CCDC15: variants seen among roughly 807,000 people sequenced by gnomAD.
The protein encoded by CCDC15 is coiled-coil domain containing 15.
In CCDC15, 105 loss-of-function variants were observed where a neutral mutation model predicts 114.5. The ratio of observed to expected loss-of-function variants is 0.92; its 90% CI spans 0.78 to 1.08. CCDC15 has a LOEUF of 1.08. Among genes scored for constraint, CCDC15 ranks in the 50% least tolerant of loss-of-function variants. CCDC15 has a pLI of 0.00. For synonymous variants in CCDC15, 334 were observed against 377.8 expected (o/e 0.88, Z 1.34); for missense variants, 1,105 against 1,093.6 (o/e 1.01, Z -0.15).
At chr11:124,992,911 G>A (rs1432181685) in intron 10 of CCDC15, among the ~76,000 whole-genome samples, 4 of 152,162 alleles carry the variant, frequency 2.6e-5, no homozygotes. Flanking sequence ...CATTGGAGAA[G>A]AGATAGATAA....
At chr11:125,010,380 GTTT>G (rs545300682) in intron 13 of CCDC15, among the ~76,000 whole-genome samples, 1 of 134,716 alleles carries the variant, frequency 7.4e-6, no homozygotes. Context: ...TTTGCCTGGT[GTTT>G]TTTTTTTTTT....
intron 4 of CCDC15, among the ~76,000 whole-genome samples, chr11:124,972,296 G>A (rs1947898560): frequency 6.6e-6 from 1 of 152,068 alleles, no homozygotes; most frequent in South Asian, 2.1e-4. Flanking sequence ...CAAATTTTAT[G>A]TTTTGAGTAT....
chr11:124,977,922 G>C (rs1948003048), intron 6 of CCDC15, among the ~76,000 whole-genome samples: 1 of 149,424 alleles, frequency 6.7e-6, no homozygotes, highest in African/African-American at 2.5e-5. Context: ...TGGGTAAATT[G>C]CATGTTACAG....
At position 125,009,961 on chromosome 11, in the gene CCDC15, A is replaced by G. The variant is rs575682692; in HGVS notation, c.2411+4749A>G. ...GCTGTTTTGAATAGTGGTGCGATGA[A>G]CATATGAATGCGTGTGCCTTTTTGG... On this transcript the variant is annotated intron_variant, in intron 13 of 15. Transcript: ENST00000344762. Among the ~76,000 whole-genome samples the G allele has an allele frequency of 9.9e-5, 15 of 152,180 alleles. 1 individual carries two copies. Among genetic ancestry groups the G allele is most frequent in the Non-Finnish European group, 1.6e-4 (11 of 68,038 alleles).
intron 1 of CCDC15, 112 bp downstream of exon 1, chr11:124,954,482 C>T: frequency 3.0e-6 from 1 of 335,168 alleles, no homozygotes; most frequent in East Asian, 6.5e-5. Flanking sequence ...CCTTTCTCTT[C>T]CCTCTCATCG....
chr11:124,992,643 T>A lies in CCDC15; in HGVS notation c.2095T>A (p.Tyr699Asn), dbSNP rs758717911. 11 of 1,599,790 alleles carry A rather than the reference T, an allele frequency of 6.9e-6. No homozygotes were observed. The highest frequency in any genetic ancestry group is 9.4e-6 in the Non-Finnish European group (11 of 1,172,514). ...REELPLDYHQ[Y>N]VVPKIQDQDS... ...AGAATTGCCTCTGGACTATCATCAA[T>A]ATGTTGTACCTAAAATCCAGGACCA... The change falls in exon 10 of 16, where the codon TAT becomes AAT. Residue 699 changes from tyrosine (Y) to asparagine (N), a missense_variant. Coordinates refer to ENST00000344762, the MANE Select transcript of CCDC15 (RefSeq NM_025004.3).
At chr11:125,026,629 C>T (rs932405725) in intron 13 of CCDC15, among the ~76,000 whole-genome samples, 1 of 152,156 alleles carries the variant, frequency 6.6e-6, no homozygotes, top group African/African-American at 2.4e-5. Context: ...GGCTATCTTG[C>T]CCTGCTTCGT....
intron 6 of CCDC15, among the ~76,000 whole-genome samples, chr11:124,984,966 C>T (rs1207576590): frequency 6.6e-6 from 1 of 152,196 alleles, no homozygotes; most frequent in Non-Finnish European, 1.5e-5. Context: ...TGCTCTAGAG[C>T]ATTTTCTTCA....
chr11:124,964,654 CT>C (rs1350777074), intron 4 of CCDC15, among the ~76,000 whole-genome samples: 11 of 152,150 alleles, frequency 7.2e-5, no homozygotes, highest in African/African-American at 2.7e-4. Flanking sequence ...CCTGATTCCC[CT>C]GGTCAGAACT....
At chr11:124,973,358 T>C (rs1591578804) in intron 4 of CCDC15, among the ~76,000 whole-genome samples, 1 of 152,020 alleles carries the variant, frequency 6.6e-6, no homozygotes, top group East Asian at 1.9e-4. Flanking sequence ...GGGCTATTTT[T>C]TTTTTTTTAT....
intron 4 of CCDC15, among the ~76,000 whole-genome samples, chr11:124,971,628 C>T (rs1947882976): frequency 7.0e-6 from 1 of 143,824 alleles, no homozygotes; most frequent in South Asian, 2.2e-4. Context: ...GGGATATTGT[C>T]TGGGATTTTT....
intron 11 of CCDC15, among the ~76,000 whole-genome samples, chr11:124,994,430 T>A (rs765164619): frequency 2.0e-5 from 3 of 152,222 alleles, no homozygotes; most frequent in Non-Finnish European, 2.9e-5. Context: ...CTAAGATTAT[T>A]TTAGGTCTCC....
rs373494266 is a variant in CCDC15 at position 124,990,551 on chromosome 11, G to A, written c.1909-910G>A. Among the ~76,000 whole-genome samples, 12 of 152,274 alleles carry A rather than the reference G, an allele frequency of 7.9e-5. No individual in the cohort carries two copies. In the South Asian group the frequency reaches 2.5e-3, roughly 32 times the overall value. On this transcript the variant is annotated intron_variant, in intron 8 of 15. Coordinates refer to ENST00000344762, the MANE Select transcript of CCDC15 (RefSeq NM_025004.3). ...AATAGGTATGCTGTATATTGTACCTGATTTGGAGATCCATACTTGGAAAAA... is the reference window on the plus strand; with the variant it reads ...AATAGGTATGCTGTATATTGTACCTAATTTGGAGATCCATACTTGGAAAAA...
At chr11:124,990,584 C>A (rs1381922594) in intron 8 of CCDC15, among the ~76,000 whole-genome samples, 2 of 152,162 alleles carry the variant, frequency 1.3e-5, no homozygotes, top group African/African-American at 4.8e-5. Flanking sequence ...AAAATAGTTT[C>A]TTGATTGATT....
At chr11:124,963,735 G>A (rs1298481684) in intron 4 of CCDC15, among the ~76,000 whole-genome samples, 1 of 152,114 alleles carries the variant, frequency 6.6e-6, no homozygotes, top group Non-Finnish European at 1.5e-5. Flanking sequence ...TGTCCTGAAT[G>A]GTATTGCCTA....
chr11:125,040,579 T>C lies in CCDC15; in HGVS notation c.2735-11T>C, dbSNP rs1464387256. ...GACTTTATTCATTGCTGTGCAAACC[T>C]TTTTTTGCAGCATATACTCGGGCAC... On this transcript the variant is annotated splice_polypyrimidine_tract_variant and intron_variant, in intron 15 of 15. Coordinates refer to ENST00000344762, the MANE Select transcript of CCDC15 (RefSeq NM_025004.3). The C allele has an allele frequency of 1.9e-6, 3 of 1,588,468 alleles. No homozygotes were observed. Among genetic ancestry groups the C allele is most frequent in the East Asian group, 2.3e-5 (1 of 44,142 alleles).
chr11:124,958,512 C>G (rs1947594358), intron 2 of CCDC15, among the ~76,000 whole-genome samples: 1 of 151,794 alleles, frequency 6.6e-6, no homozygotes, highest in Non-Finnish European at 1.5e-5. Flanking sequence ...ATATTGACTA[C>G]CCTTATAGTG....
At chr11:124,970,102 T>C (rs1347986167) in intron 4 of CCDC15, among the ~76,000 whole-genome samples, 1 of 152,210 alleles carries the variant, frequency 6.6e-6, no homozygotes, top group Non-Finnish European at 1.5e-5. Flanking sequence ...TTCCCTCTTA[T>C]TTTCTCATTT....
Position 125,030,806 on chromosome 11 carries a change from T to C in CCDC15, c.2412-7625T>C, listed in dbSNP as rs543955410. On this transcript the variant is annotated intron_variant, in intron 13 of 15. Coordinates refer to ENST00000344762, the MANE Select transcript of CCDC15 (RefSeq NM_025004.3). ...CATGGCTACTTTGTTCATGGGCCCA[T>C]TGGGTGATGATAGGTGGCTGGGGAA... Among the ~76,000 whole-genome samples the C allele has an allele frequency of 1.3e-3, 195 of 152,252 alleles. 1 individual carries two copies. Among genetic ancestry groups the C allele is most frequent in the African/African-American group, 4.4e-3 (184 of 41,546 alleles).
Sources: gnomAD v4.1 joint callset for allele counts (sites outside exome capture counted in the v4.1 genomes callset) on GRCh38, gnomAD v4.1.1 for gene constraint, MANE v1.5 for transcripts, NCBI Gene and HGNC (gene_info 2026-07-23, HGNC 2026-07-21) for gene names.